TPH2: variants seen among roughly 807,000 people sequenced by gnomAD.
TPH2 encodes the protein tryptophan hydroxylase 2.
A neutral mutation model predicts 59.1 loss-of-function variants in TPH2; 27 were observed. That is an observed-to-expected ratio of 0.46 (90% CI 0.34 to 0.63). TPH2 has a LOEUF of 0.63. Among genes scored for constraint, TPH2 ranks in the 30% least tolerant of loss-of-function variants. TPH2 has a pLI of 0.01. For synonymous variants in TPH2, 220 were observed against 210.5 expected, an observed-to-expected ratio of 1.05 and a Z score of -0.39; for missense variants, 523 against 588.3, an observed-to-expected ratio of 0.89 and a Z score of 1.15.
At chr12:71,944,793 T>A (rs1871159062) in intron 4 of TPH2, 107 bp downstream of exon 4, 2 of 1,047,682 alleles carry the variant, frequency 1.9e-6, no homozygotes, top group East Asian at 4.8e-5. Flanking sequence ...GAACAATTTA[T>A]TATTTATTCC....
At chr12:71,990,437 T>C (rs1872554908) in intron 7 of TPH2, among the ~76,000 whole-genome samples, 1 of 152,232 alleles carries the variant, frequency 6.6e-6, no homozygotes. Flanking sequence ...TCCCTCAGAC[T>C]CCCCATAGCC....
rs1047569016 is a variant in TPH2 at position 72,028,940 on chromosome 12, C to T, written c.1165-2318C>T. Among the ~76,000 whole-genome samples, 8 of 152,166 alleles carry T rather than the reference C, an allele frequency of 5.3e-5. No individual in the cohort carries two copies. The South Asian group carries it at 8.3e-4, about 16-fold the overall frequency. On this transcript the variant is annotated intron_variant, in intron 9 of 10. Transcript: ENST00000333850. ...TTTCTTGAAGTCTGGGGCAGAGTGCCGTATGCTCTGGGCCTTTTCTTGATC... is the reference window on the plus strand; with the variant it reads ...TTTCTTGAAGTCTGGGGCAGAGTGCTGTATGCTCTGGGCCTTTTCTTGATC...
intron 5 of TPH2, among the ~76,000 whole-genome samples, chr12:71,966,550 C>T (rs1318833490): frequency 6.6e-6 from 1 of 152,160 alleles, no homozygotes; most frequent in Non-Finnish European, 1.5e-5. Context: ...GGCAGATAAA[C>T]ATCTCTTGAA....
intron 6 of TPH2, among the ~76,000 whole-genome samples, chr12:71,975,680 C>A (rs1872098457): frequency 6.6e-6 from 1 of 152,174 alleles, no homozygotes; most frequent in African/African-American, 2.4e-5. Flanking sequence ...CTTCATGAAT[C>A]TTGATTATAG....
At position 71,961,411 on chromosome 12, in the gene TPH2, G is replaced by A. The variant is rs191518109; in HGVS notation, c.609-11108G>A. ...ATTAATTTGCACAAGACCATGAGCT[G>A]TAGGATAATCACGCTTCTTCATCTA... On this transcript the variant is annotated intron_variant, in intron 5 of 10. Coordinates refer to ENST00000333850, the MANE Select transcript of TPH2 (RefSeq NM_173353.4). The A allele has an allele frequency of 4.0e-3, 2,521 of 633,860 alleles. 8 individuals are homozygous for A. Among genetic ancestry groups the A allele is most frequent in the Admixed American group, 6.6e-3 (184 of 27,732 alleles). The allele number at this position is 633,860 out of a possible 1,614,324, so 39.3% of individuals were successfully genotyped here.
chr12:72,010,530 C>T (rs1004007373), intron 8 of TPH2, among the ~76,000 whole-genome samples: 1 of 152,082 alleles, frequency 6.6e-6, no homozygotes, highest in African/African-American at 2.4e-5. Flanking sequence ...TAGAAGACTG[C>T]TCAGTGCAAT....
Position 72,031,528 on chromosome 12 carries a change from G to A in TPH2, c.1306G>A (p.Ala436Thr). ...CTTCTGTTTATTCTGCAGGGACTTT[G>A]CAAAGTCAATTACCCGTCCCTTCTC... is the stretch of plus-strand genomic sequence containing the variant. Reference protein sequence around the residue: ...EEAKEKMRDFAKSITRPFSVY... With the variant: ...EEAKEKMRDFTKSITRPFSVY... Residue 436 changes from alanine (A) to threonine (T), a missense_variant, in exon 11 of 11, where the codon GCA becomes ACA. Ala to Thr is a moderately conservative substitution (Grantham distance 58, BLOSUM62 0). Transcript: ENST00000333850. 2.5e-6 allele frequency: 4 copies of A among 1,613,448 alleles called. No homozygotes were observed. The highest frequency in any genetic ancestry group is 3.4e-6 in the Non-Finnish European group (4 of 1,179,622).
chr12:71,961,645 G>A, intron 5 of TPH2: 1 of 1,352,096 alleles, frequency 7.4e-7, no homozygotes, highest in Non-Finnish European at 9.8e-7. Context: ...TGTATGTTGA[G>A]CGTGCACATA....
At chr12:71,983,753 G>C (rs1016815781) in intron 7 of TPH2, among the ~76,000 whole-genome samples, 9 of 151,760 alleles carry the variant, frequency 5.9e-5, no homozygotes, top group South Asian at 2.1e-4. Flanking sequence ...GAGAGAGAGA[G>C]AGACAGACAG....
At chr12:71,949,161 C>T (rs1262851623) in intron 4 of TPH2, among the ~76,000 whole-genome samples, 1 of 152,114 alleles carries the variant, frequency 6.6e-6, no homozygotes, top group Admixed American at 6.5e-5. Context: ...ATAAATGTCA[C>T]ATTTATTAGT....
rs1185204316 is a variant in TPH2 at position 72,032,423 on chromosome 12, A to G, written c.*728A>G. 2 of 152,360 alleles carry G rather than the reference A, an allele frequency of 1.3e-5. No homozygotes were observed. The highest frequency in any genetic ancestry group is 2.9e-5 in the Non-Finnish European group (2 of 68,186). 9.4% of individuals were successfully genotyped at this position (152,360 alleles called of 1,614,324 possible). ...GGGACTATGAATTTTATGCTGGAATAAAGTAAATTATCATGTTCAGGTGTT... is the reference window on the plus strand; with the variant it reads ...GGGACTATGAATTTTATGCTGGAATGAAGTAAATTATCATGTTCAGGTGTT... On this transcript the variant is annotated 3_prime_UTR_variant, in exon 11 of 11. Transcript: ENST00000333850.
At chr12:71,984,761 G>A (rs1170251333) in intron 7 of TPH2, among the ~76,000 whole-genome samples, 1 of 152,132 alleles carries the variant, frequency 6.6e-6, no homozygotes, top group East Asian at 1.9e-4. Flanking sequence ...GGTGATTCTT[G>A]GAAAATGGCA....
At chr12:71,990,065 A>T (rs1270071166) in intron 7 of TPH2, among the ~76,000 whole-genome samples, 1 of 152,142 alleles carries the variant, frequency 6.6e-6, no homozygotes, top group Non-Finnish European at 1.5e-5. Flanking sequence ...TCTAAAAAGC[A>T]TTATTCAGGC....
intron 5 of TPH2, chr12:71,965,593 T>C (rs1198988681): frequency 6.6e-6 from 1 of 152,208 alleles, no homozygotes; most frequent in East Asian, 1.9e-4. Context: ...CTTTTGAAAA[T>C]GTTCATGTCC....
At chr12:71,940,243 G>T (rs1246677100) in intron 1 of TPH2, among the ~76,000 whole-genome samples, 1 of 152,170 alleles carries the variant, frequency 6.6e-6, no homozygotes, top group Non-Finnish European at 1.5e-5. Flanking sequence ...TCTGTGTGTT[G>T]TGTGGTGAGG....
intron 6 of TPH2, among the ~76,000 whole-genome samples, chr12:71,976,259 A>G (rs1298659149): frequency 2.0e-5 from 3 of 152,248 alleles, no homozygotes; most frequent in Non-Finnish European, 2.9e-5. Context: ...CACATTAAGC[A>G]TAGCAGAGTC....
At chr12:71,957,147 T>C (rs756175790) in intron 5 of TPH2, among the ~76,000 whole-genome samples, 1 of 152,098 alleles carries the variant, frequency 6.6e-6, no homozygotes, top group Non-Finnish European at 1.5e-5. Flanking sequence ...CATCTTAAAA[T>C]GGGCACAACA....
chr12:71,958,685 C>T (rs941144881), intron 5 of TPH2, among the ~76,000 whole-genome samples: 1 of 152,180 alleles, frequency 6.6e-6, no homozygotes, highest in African/African-American at 2.4e-5. Flanking sequence ...AAGCCTGACC[C>T]TCGTGAGATA....
chr12:72,012,387 G>T, intron 8 of TPH2, among the ~76,000 whole-genome samples: 1 of 152,152 alleles, frequency 6.6e-6, no homozygotes, highest in East Asian at 1.9e-4. Context: ...AATGACAAGA[G>T]CATTCCAAGC....
Sources: allele counts gnomAD v4.1 joint callset (sites outside exome capture counted in the v4.1 genomes callset), GRCh38; gene constraint gnomAD v4.1.1; transcripts MANE v1.5; gene names NCBI Gene and HGNC (gene_info 2026-07-23, HGNC 2026-07-21).